The following PPP2R2B variants were observed in gnomAD, a reference collection of about 807,000 sequenced individuals.
PPP2R2B encodes serine/threonine-protein phosphatase 2A 55 kDa regulatory subunit B beta isoform.
A neutral mutation model predicts 46.0 loss-of-function variants in PPP2R2B; 5 were observed. The ratio of observed to expected loss-of-function variants is 0.11; its 90% CI spans 0.06 to 0.23. The LOEUF (loss-of-function observed/expected upper bound fraction) is 0.23. Among genes scored for constraint, PPP2R2B ranks in the 10% least tolerant of loss-of-function variants. The pLI is 1.00. For missense variants in PPP2R2B, 367 were observed against 575.0 expected (o/e 0.64, Z 3.70); for synonymous variants, 215 against 206.7 (o/e 1.04, Z -0.34).
intron 9 of PPP2R2B, 57 bp from the exon 10 acceptor site, chr5:146,590,283 C>T (rs1002870732): frequency 1.1e-5 from 16 of 1,476,750 alleles, no homozygotes; most frequent in Middle Eastern, 1.9e-4. Flanking sequence ...CTTTTTGGAG[C>T]AAATGATACC....
At chr5:146,959,703 G>A (rs902268078) in intron 1 of PPP2R2B, among the ~76,000 whole-genome samples, 10 of 152,148 alleles carry the variant, frequency 6.6e-5, no homozygotes, top group Non-Finnish European at 1.5e-4. Flanking sequence ...GCATCAGTAA[G>A]CCAGGCAAGG....
At chr5:146,861,416 C>T (rs1233433432) in intron 2 of PPP2R2B, among the ~76,000 whole-genome samples, 1 of 152,088 alleles carries the variant, frequency 6.6e-6, no homozygotes, top group African/African-American at 2.4e-5. Flanking sequence ...TAGTCTCAAT[C>T]TCCTGACCTC....
chr5:147,053,916 C>G (rs1304746794), intron 1 of PPP2R2B, among the ~76,000 whole-genome samples: 1 of 152,166 alleles, frequency 6.6e-6, no homozygotes, highest in Non-Finnish European at 1.5e-5. Context: ...GTCCCAGAGC[C>G]TCCTCCACGA....
intron 1 of PPP2R2B, among the ~76,000 whole-genome samples, chr5:147,034,046 G>A (rs527950468): frequency 5.3e-5 from 8 of 152,232 alleles, no homozygotes; most frequent in Non-Finnish European, 8.8e-5. Flanking sequence ...ATGGCCTAGC[G>A]CCTACCTTCC....
intron 2 of PPP2R2B, among the ~76,000 whole-genome samples, chr5:147,078,176 T>C (rs957766811): frequency 6.6e-6 from 1 of 152,228 alleles, no homozygotes; most frequent in South Asian, 2.1e-4. Context: ...TGAACACTAA[T>C]TTAGAATGAG....
At chr5:147,068,039 GC>G in intron 2 of PPP2R2B, among the ~76,000 whole-genome samples, 2 of 152,074 alleles carry the variant, frequency 1.3e-5, no homozygotes, top group Admixed American at 1.3e-4. Flanking sequence ...GGATCTGATG[GC>G]CATTTTAAGC....
At chr5:146,799,996 G>T (rs1362422809) in intron 2 of PPP2R2B, among the ~76,000 whole-genome samples, 1 of 151,962 alleles carries the variant, frequency 6.6e-6, no homozygotes. Flanking sequence ...CTCTCCCATT[G>T]CTCAACACGA....
intron 1 of PPP2R2B, among the ~76,000 whole-genome samples, chr5:146,900,523 CTCCTT>C (rs1287649707): frequency 6.7e-6 from 1 of 148,908 alleles, no homozygotes; most frequent in Non-Finnish European, 1.5e-5. Context: ...CCCTTTCTTT[CTCCTT>C]TCCTTTCCTT....
chr5:146,694,961 G>A (rs7730664), intron 4 of PPP2R2B, among the ~76,000 whole-genome samples: 33,331 of 151,860 alleles, frequency 0.22, 4,451 homozygotes, highest in African/African-American at 0.38. Flanking sequence ...ATACTATAAC[G>A]TATTGCATAT....
At chr5:146,902,940 C>A (rs574095580) in intron 1 of PPP2R2B, among the ~76,000 whole-genome samples, 17 of 152,304 alleles carry the variant, frequency 1.1e-4, no homozygotes, top group Admixed American at 6.5e-4. Flanking sequence ...TAGATCAAAA[C>A]CATTTTCATA....
intron 7 of PPP2R2B, among the ~76,000 whole-genome samples, chr5:146,615,427 C>T (rs1031542364): frequency 9.1e-6 from 1 of 109,374 alleles, no homozygotes; most frequent in Non-Finnish European, 1.8e-5. Context: ...GGGTGCAGCG[C>T]ACCAGCATGG....
At chr5:147,076,638 G>T (rs1561615759) in intron 2 of PPP2R2B, among the ~76,000 whole-genome samples, 1 of 152,028 alleles carries the variant, frequency 6.6e-6, no homozygotes, top group Non-Finnish European at 1.5e-5. Flanking sequence ...AGTCTATTTT[G>T]CTCCACCAAA....
At chr5:147,020,123 T>C (rs1198567689) in intron 1 of PPP2R2B, among the ~76,000 whole-genome samples, 3 of 152,160 alleles carry the variant, frequency 2.0e-5, no homozygotes, top group African/African-American at 4.8e-5. Context: ...TCACTTTCTA[T>C]AGCTTTCCCC....
intron 2 of PPP2R2B, among the ~76,000 whole-genome samples, chr5:147,062,528 G>GT: frequency 6.6e-6 from 1 of 152,120 alleles, no homozygotes. Context: ...AGATGAGGAA[G>GT]TTTACACAGA....
chr5:146,629,182 C>A (rs879808682), intron 7 of PPP2R2B, among the ~76,000 whole-genome samples: 1 of 152,204 alleles, frequency 6.6e-6, no homozygotes, highest in Non-Finnish European at 1.5e-5. Context: ...TAATTGTCTG[C>A]CAGACTTCTC....
intron 2 of PPP2R2B, among the ~76,000 whole-genome samples, chr5:146,833,762 C>T (rs1384797710): frequency 1.3e-5 from 2 of 151,668 alleles, no homozygotes; most frequent in East Asian, 3.9e-4. Context: ...TCCTCCCCCA[C>T]CCCCAGCTGC....
At chr5:146,957,181 T>C (rs976706086) in intron 1 of PPP2R2B, among the ~76,000 whole-genome samples, 1 of 152,192 alleles carries the variant, frequency 6.6e-6, no homozygotes, top group African/African-American at 2.4e-5. Flanking sequence ...AGCTGTGAGC[T>C]TCAAAATGGA....
intron 2 of PPP2R2B, among the ~76,000 whole-genome samples, chr5:146,718,876 A>G (rs2151191138): frequency 6.6e-6 from 1 of 152,306 alleles, no homozygotes; most frequent in Non-Finnish European, 1.5e-5. Context: ...AGGGCTTGTC[A>G]GTCTTTGCTC....
Position 146,878,677 on chromosome 5 carries a change from T to C in PPP2R2B, c.-211A>G, listed in dbSNP as rs1762049612. The stretch of plus-strand genomic sequence containing the variant: ...GCTGGCGGGGAGCTGGGCAGGGCGC[T>C]GCAGCCGGCGCCAGCGCACTCACCC... On this transcript the variant is annotated 5_prime_UTR_variant, in exon 1 of 10. Coordinates refer to ENST00000394411, the MANE Select transcript of PPP2R2B (RefSeq NM_181675.4). This position sits in a 1 kb window ranked among gnomAD's most constrained non-coding sequence, Gnocchi z 4.5. 7.8e-6 allele frequency: 10 copies of C among 1,284,068 alleles called. No homozygotes were observed. The highest frequency in any genetic ancestry group is 9.1e-6 in the Non-Finnish European group (9 of 987,482). 79.5% of individuals were successfully genotyped at this position (1,284,068 alleles called of 1,614,324 possible).
Sources: allele counts gnomAD v4.1 joint callset (sites outside exome capture counted in the v4.1 genomes callset), GRCh38; gene constraint gnomAD v4.1.1; non-coding constraint Gnocchi (gnomAD v3.1); transcripts MANE v1.5; gene names NCBI Gene and HGNC (gene_info 2026-07-23, HGNC 2026-07-21).